The following CCDC14 variants were observed in gnomAD, a reference collection of about 807,000 sequenced individuals.
The protein encoded by CCDC14 is coiled-coil domain-containing protein 14.
A neutral mutation model predicts 81.4 loss-of-function variants in CCDC14; 71 were observed. The observed-to-expected ratio is 0.87, with a 90% CI of 0.72 to 1.06. The LOEUF (loss-of-function observed/expected upper bound fraction) is 1.06, where lower values mean the gene tolerates loss of function less well. Among genes scored for constraint, CCDC14 ranks in the 50% least tolerant of loss-of-function variants. CCDC14 has a pLI of 0.00. For missense variants in CCDC14, 1,046 were observed against 1,047.3 expected (o/e 1.00, Z 0.02); for synonymous variants, 332 against 364.8 (o/e 0.91, Z 1.03).
chr3:123,928,479 C>T (rs569710298), intron 12 of CCDC14, among the ~76,000 whole-genome samples: 1 of 152,042 alleles, frequency 6.6e-6, no homozygotes, highest in East Asian at 1.9e-4. Flanking sequence ...GCACTCCAGC[C>T]TGGGCGACAG....
Sources: allele counts gnomAD v4.1 joint callset (sites outside exome capture counted in the v4.1 genomes callset), GRCh38; gene constraint gnomAD v4.1.1; transcripts MANE v1.5; gene names NCBI Gene and HGNC (gene_info 2026-07-23, HGNC 2026-07-21).